The following RHBDD1 variants were observed in gnomAD, a reference collection of about 807,000 sequenced individuals.
RHBDD1 encodes rhomboid-related protein 4.
A neutral mutation model predicts 36.3 loss-of-function variants in RHBDD1; 38 were observed. The observed-to-expected ratio is 1.05, with a 90% CI of 0.81 to 1.37. The LOEUF is 1.37. Ranked by LOEUF, RHBDD1 falls within the 40% of genes most tolerant of loss-of-function variation. RHBDD1 has a pLI of 0.00. For missense variants in RHBDD1, 393 were observed against 377.6 expected (o/e 1.04, Z -0.34); for synonymous variants, 151 against 136.5 (o/e 1.11, Z -0.74).
chr2:226,934,455 G>T (rs931868201), intron 8 of RHBDD1, among the ~76,000 whole-genome samples: 3 of 152,106 alleles, frequency 2.0e-5, no homozygotes, highest in Non-Finnish European at 4.4e-5. Flanking sequence ...TAAATAAATT[G>T]TAAGGGTACA....
the RHBDD1 span, among the ~76,000 whole-genome samples, chr2:226,808,142 G>A: frequency 6.6e-6 from 1 of 152,276 alleles, no homozygotes; most frequent in Non-Finnish European, 1.5e-5. Flanking sequence ...ATGGTCATTC[G>A]TAAAGATGGT....
chr2:226,893,911 G>A (rs1395451175), intron 5 of RHBDD1, among the ~76,000 whole-genome samples: 1 of 152,088 alleles, frequency 6.6e-6, no homozygotes, highest in Non-Finnish European at 1.5e-5. Context: ...ACCTGTTTGT[G>A]GTTATCTGAG....
chr2:226,838,637 T>A (rs534366837), intron 2 of RHBDD1, among the ~76,000 whole-genome samples: 1 of 152,250 alleles, frequency 6.6e-6, no homozygotes. Flanking sequence ...AGGTATTTGT[T>A]GTCTCAAACC....
chr2:226,814,161 T>C, the RHBDD1 span, among the ~76,000 whole-genome samples: 2 of 152,144 alleles, frequency 1.3e-5, no homozygotes, highest in Non-Finnish European at 2.9e-5. Context: ...TGGCATTCCA[T>C]GTGGACTCGA....
chr2:226,826,791 A>G, the RHBDD1 span, among the ~76,000 whole-genome samples: 9 of 152,260 alleles, frequency 5.9e-5, no homozygotes, highest in African/African-American at 2.2e-4. Flanking sequence ...CAGTGCTGGG[A>G]TTACAGGCAT....
intron 5 of RHBDD1, among the ~76,000 whole-genome samples, chr2:226,897,425 G>A (rs1017104335): frequency 1.3e-5 from 2 of 152,128 alleles, no homozygotes; most frequent in African/African-American, 2.4e-5. Flanking sequence ...CTAAATATTT[G>A]ATGAGTGAAT....
chr2:226,856,700 C>T (rs192600777), intron 3 of RHBDD1, among the ~76,000 whole-genome samples: 1 of 152,036 alleles, frequency 6.6e-6, no homozygotes, highest in African/African-American at 2.4e-5. Context: ...ATGCATGTAG[C>T]GTTTGTGTAT....
chr2:226,941,382 C>T (rs1350983054), intron 8 of RHBDD1, among the ~76,000 whole-genome samples: 1 of 152,224 alleles, frequency 6.6e-6, no homozygotes, highest in African/African-American at 2.4e-5. Context: ...AGCCCTTTTC[C>T]TGCTGGCAGG....
chr2:226,903,386 C>T lies in RHBDD1; in HGVS notation c.567-3407C>T, dbSNP rs139711643. ...CAGGACGTGAATCATCTCTTTGCCCCGTGTGTCCATGCTGTCTCTGCTACC... is the reference window on the plus strand; with the variant it reads ...CAGGACGTGAATCATCTCTTTGCCCTGTGTGTCCATGCTGTCTCTGCTACC... On this transcript the variant is annotated intron_variant, in intron 5 of 8. Coordinates refer to ENST00000392062, the MANE Select transcript of RHBDD1 (RefSeq NM_001167608.3). Among the ~76,000 whole-genome samples the T allele has an allele frequency of 3.2e-3, 481 of 152,240 alleles. 2 individuals are homozygous for T. Among genetic ancestry groups the T allele is most frequent in the African/African-American group, 0.011 (448 of 41,534 alleles).
At chr2:226,807,068 A>G in the RHBDD1 span, among the ~76,000 whole-genome samples, 2 of 152,316 alleles carry the variant, frequency 1.3e-5, no homozygotes, top group Middle Eastern at 3.4e-3. Flanking sequence ...TGATGCACTT[A>G]CAGTTTTCAT....
At chr2:226,969,888 C>G (rs1206258387) in intron 8 of RHBDD1, among the ~76,000 whole-genome samples, 2 of 152,048 alleles carry the variant, frequency 1.3e-5, no homozygotes, top group African/African-American at 2.4e-5. Context: ...CTTAACACAT[C>G]CTGTGGCGAG....
chr2:226,968,200 C>A (rs1952792438), intron 8 of RHBDD1, among the ~76,000 whole-genome samples: 1 of 152,020 alleles, frequency 6.6e-6, no homozygotes. Context: ...CTGGAAGAAC[C>A]CAGAGGGGAT....
At chr2:226,880,182 A>G (rs1223681213) in intron 5 of RHBDD1, among the ~76,000 whole-genome samples, 1 of 152,190 alleles carries the variant, frequency 6.6e-6, no homozygotes, top group Non-Finnish European at 1.5e-5. Context: ...AAGTGTATAT[A>G]GAATGATACC....
chr2:226,970,127 A>G (rs1953168048), intron 8 of RHBDD1, among the ~76,000 whole-genome samples: 1 of 152,078 alleles, frequency 6.6e-6, no homozygotes, highest in South Asian at 2.1e-4. Context: ...ATGACAAAGA[A>G]TAAAATCACA....
chr2:226,974,319 G>A (rs1172164579), intron 8 of RHBDD1, among the ~76,000 whole-genome samples: 2 of 150,932 alleles, frequency 1.3e-5, no homozygotes, highest in Non-Finnish European at 1.5e-5. Context: ...CTCATTGCAA[G>A]CTCCACCCCC....
chr2:226,834,496 T>C (rs138481694), upstream of RHBDD1, among the ~76,000 whole-genome samples: 25 of 152,350 alleles, frequency 1.6e-4, no homozygotes, highest in East Asian at 4.4e-3. Flanking sequence ...GAATCTTCTT[T>C]GTCACTTGAA....
intron 8 of RHBDD1, among the ~76,000 whole-genome samples, chr2:226,987,908 C>T (rs1957359286): frequency 6.6e-6 from 1 of 152,184 alleles, no homozygotes; most frequent in Non-Finnish European, 1.5e-5. Flanking sequence ...ACAGGTTCTT[C>T]ATTTCTGTGC....
intron 8 of RHBDD1, among the ~76,000 whole-genome samples, chr2:226,925,708 G>A (rs1245180258): frequency 2.0e-5 from 3 of 152,194 alleles, no homozygotes; most frequent in African/African-American, 7.2e-5. Flanking sequence ...CACTTCAAGA[G>A]TCTTTTTAGA....
At chr2:226,840,454 G>A (rs1293311280) in intron 3 of RHBDD1, among the ~76,000 whole-genome samples, 1 of 152,172 alleles carries the variant, frequency 6.6e-6, no homozygotes, top group Non-Finnish European at 1.5e-5. Context: ...ATCTCATTAA[G>A]GAGAGGAAAG....
Sources: allele counts gnomAD v4.1 joint callset (sites outside exome capture counted in the v4.1 genomes callset), GRCh38; gene constraint gnomAD v4.1.1; transcripts MANE v1.5; gene names NCBI Gene and HGNC (gene_info 2026-07-23, HGNC 2026-07-21).